The following BTAF1 variants were observed in gnomAD, a reference collection of about 807,000 sequenced individuals.
BTAF1 encodes TATA-binding protein-associated factor 172.
In BTAF1, 38 loss-of-function variants were observed where a neutral mutation model predicts 227.1. That is an observed-to-expected ratio of 0.17 (90% CI 0.13 to 0.22). The LOEUF is 0.22. Among genes scored for constraint, BTAF1 ranks in the 10% least tolerant of loss-of-function variants. BTAF1 has a pLI of 1.00. For missense variants in BTAF1, 1,598 were observed against 2,204.0 expected (o/e 0.73, Z 5.51); for synonymous variants, 742 against 751.9 (o/e 0.99, Z 0.21).
At chr10:91,959,738 G>GTATATATATATATATA (rs1421248732) in intron 9 of BTAF1, 47 bp from the exon 10 acceptor site, 1 of 359,086 alleles carries the variant, frequency 2.8e-6, no homozygotes, top group African/African-American at 3.8e-5. Context: ...GTGTGTGTGT[G>GTATATATATATATATA]TGTATATATA....
At chr10:91,969,042 T>G (rs1415093754) in intron 14 of BTAF1, among the ~76,000 whole-genome samples, 1 of 145,196 alleles carries the variant, frequency 6.9e-6, no homozygotes, top group Non-Finnish European at 1.5e-5. Context: ...AAAAAAAAAT[T>G]TTTTTTTTTT....
chr10:92,012,640 G>A (rs1022667735), intron 30 of BTAF1, among the ~76,000 whole-genome samples: 6 of 151,112 alleles, frequency 4.0e-5, no homozygotes, highest in Admixed American at 6.6e-5. Flanking sequence ...GCATGGTGAC[G>A]CACGCCTGTA....
intron 25 of BTAF1, among the ~76,000 whole-genome samples, chr10:92,006,657 T>C (rs766312702): frequency 6.6e-6 from 1 of 152,242 alleles, no homozygotes; most frequent in African/African-American, 2.4e-5. Context: ...AACTGTCAGC[T>C]TCTCTTGAAA....
intron 31 of BTAF1, 41 bp from the exon 32 acceptor site, chr10:92,013,858 C>G: frequency 6.2e-7 from 1 of 1,612,660 alleles, no homozygotes. Context: ...ATAATTTATT[C>G]TTAACTTTTT....
At position 91,981,744 on chromosome 10, in the gene BTAF1, T is replaced by G. The variant is rs1290747727; in HGVS notation, c.1857T>G (p.His619Gln). Residue 619 changes from histidine to glutamine, a missense_variant, in exon 16 of 38, where the codon CAT (histidine) becomes CAG (glutamine). By Grantham distance (24) the His-to-Gln change is conservative. Transcript: ENST00000265990. ...AWLCLMMQPS[H>Q]LPIDLNMLLE... Reference sequence around the variant, plus strand: ...TTTGCTTGATGATGCAGCCTTCTCATTTACCTATCGATTTAAATATGTTGC... The same window carrying G: ...TTTGCTTGATGATGCAGCCTTCTCAGTTACCTATCGATTTAAATATGTTGC... The G allele has an allele frequency of 1.2e-6, 2 of 1,613,794 alleles. No individual in the cohort carries two copies. The highest frequency in any genetic ancestry group is 1.7e-6 in the Non-Finnish European group (2 of 1,179,812).
chr10:91,989,400 C>G lies in BTAF1; in HGVS notation c.2674C>G (p.Leu892Val), dbSNP rs1848604398. 1 of 1,614,168 alleles carries G rather than the reference C, an allele frequency of 6.2e-7. No individual in the cohort carries two copies. The highest frequency in any genetic ancestry group is 8.5e-7 in the Non-Finnish European group (1 of 1,180,030). Residue 892 changes from leucine (L) to valine (V), a missense_variant, in exon 20 of 38, where the codon CTA becomes GTA. Leu to Val is a conservative substitution (Grantham distance 32, BLOSUM62 1). This residue lies in a region of BTAF1 where 425 missense variants were observed against 491.2 expected (regional missense o/e 0.87). Transcript: ENST00000265990. Reference sequence around the variant, plus strand: ...GACAATTAAAAAAGAAGAGAATACACTAGTGCAAAACTATGCAGCTCAGTG... The same window carrying G: ...GACAATTAAAAAAGAAGAGAATACAGTAGTGCAAAACTATGCAGCTCAGTG... ...METIKKEENT[L>V]VQNYAAQCIA...
chr10:91,960,589 T>TG (rs944480145), intron 11 of BTAF1, among the ~76,000 whole-genome samples: 4 of 146,098 alleles, frequency 2.7e-5, no homozygotes, highest in Non-Finnish European at 6.1e-5. Context: ...CTGTCAGTGT[T>TG]TTTTTTTTTT....
chr10:91,991,797 G>GTGTATATATATATATATATATA (rs1554860529), intron 20 of BTAF1, among the ~76,000 whole-genome samples: 1 of 10,002 alleles, frequency 1.0e-4, no homozygotes, highest in African/African-American at 1.8e-4. Flanking sequence ...GTGTGTGTGT[G>GTGTATATATATATATATATATA]TATATATATA....
Position 91,940,081 on chromosome 10 carries a change from A to G in BTAF1, c.253+15A>G. On this transcript the variant is annotated intron_variant, in intron 3 of 37. Coordinates refer to ENST00000265990, the MANE Select transcript of BTAF1 (RefSeq NM_003972.3). ...AACCAGACAAGGTGCTTTTAAGTGG[A>G]GAAAGTAGTTTTAAGTAAAAACCTA... is the stretch of plus-strand genomic sequence containing the variant. 1 of 1,557,804 alleles carries G rather than the reference A, an allele frequency of 6.4e-7. No individual in the cohort carries two copies. The highest frequency in any genetic ancestry group is 8.8e-7 in the Non-Finnish European group (1 of 1,132,214).
Position 91,964,146 on chromosome 10 carries a change from A to T in BTAF1, c.1474A>T (p.Ser492Cys). The change falls in exon 13 of 38, where the codon AGT becomes TGT. Residue 492 changes from serine (S) to cysteine (C), a missense_variant. Transcript: ENST00000265990. ...ELDDLTASTN[S>C]IMTLLSSLLT... The stretch of plus-strand genomic sequence containing the variant: ...AGATGATCTAACAGCTTCAACAAAT[A>T]GTATTATGACTCTCCTTTCATCCTT... The T allele has an allele frequency of 6.2e-7, 1 of 1,613,036 alleles. No homozygotes were observed. Among genetic ancestry groups the T allele is most frequent in the South Asian group, 1.1e-5 (1 of 91,060 alleles).
intron 19 of BTAF1, among the ~76,000 whole-genome samples, chr10:91,988,400 T>A (rs568922328): frequency 6.6e-6 from 1 of 152,232 alleles, no homozygotes; most frequent in Non-Finnish European, 1.5e-5. Flanking sequence ...TAACCCTGTT[T>A]CAAATAAATC....
intron 19 of BTAF1, among the ~76,000 whole-genome samples, chr10:91,984,651 A>G (rs559736634): frequency 6.6e-6 from 1 of 152,300 alleles, no homozygotes; most frequent in East Asian, 1.9e-4. Context: ...AGAAAAAGCT[A>G]TTATATTTTG....
At chr10:91,985,050 ATTTGGTGAAT>A (rs1848312750) in intron 19 of BTAF1, among the ~76,000 whole-genome samples, 1 of 152,110 alleles carries the variant, frequency 6.6e-6, no homozygotes, top group African/African-American at 2.4e-5. Context: ...TAGGTGGACC[ATTTGGTGAAT>A]TTTGACAGAT....
At chr10:91,988,063 C>T (rs1465371657) in intron 19 of BTAF1, among the ~76,000 whole-genome samples, 1 of 152,134 alleles carries the variant, frequency 6.6e-6, no homozygotes, top group Admixed American at 6.5e-5. Flanking sequence ...CTTTAAAAAC[C>T]AAGCATAAGT....
chr10:91,989,017 T>G (rs1564697800), intron 19 of BTAF1, 137 bp from the exon 20 acceptor site: 8 of 669,184 alleles, frequency 1.2e-5, no homozygotes, highest in African/African-American at 3.6e-5. Flanking sequence ...GACATTAGTT[T>G]ACTGAGTACT....
chr10:92,026,605 C>T lies in BTAF1; in HGVS notation c.5089C>T (p.Pro1697Ser). Residue 1697 changes from proline to serine, a missense_variant, in exon 36 of 38, where the codon CCA (proline) becomes TCA (serine). Pro to Ser is a moderately conservative substitution (Grantham distance 74). Coordinates refer to ENST00000265990, the MANE Select transcript of BTAF1 (RefSeq NM_003972.3). ...HSIVSRFNND[P>S]SIDVLLLTTH... The stretch of plus-strand genomic sequence containing the variant: ...ATCTACTTTTAGGTTTAATAATGAT[C>T]CATCTATAGACGTTCTGTTACTTAC... The T allele has an allele frequency of 6.2e-7, 1 of 1,611,116 alleles. No individual in the cohort carries two copies. Among genetic ancestry groups the T allele is most frequent in the Non-Finnish European group, 8.5e-7 (1 of 1,178,272 alleles).
chr10:91,998,796 A>AT (rs1849307281), intron 25 of BTAF1, among the ~76,000 whole-genome samples: 2 of 152,186 alleles, frequency 1.3e-5, no homozygotes, highest in Admixed American at 1.3e-4. Flanking sequence ...CATGCCTGTA[A>AT]TCCCAGCACT....
Position 92,018,906 on chromosome 10 carries a change from C to G in BTAF1, c.4834C>G (p.His1612Asp). ...GAATTCTTCTCTACATGATATTCAA[C>G]ATGCCCCTAAGCTCTCAGCTTTGAA... ...VQNSSLHDIQHAPKLSALKQL... is the reference protein window; with the variant it reads ...VQNSSLHDIQDAPKLSALKQL... Residue 1612 changes from histidine (H) to aspartate (D), a missense_variant, in exon 34 of 38, where the codon CAT becomes GAT. Physicochemically the swap from His to Asp is moderately conservative, Grantham distance 81 (BLOSUM62 -1). This residue lies in a region of BTAF1 where 205 missense variants were observed against 244.5 expected (regional missense o/e 0.84). Transcript: ENST00000265990. 6.2e-7 allele frequency: 1 copy of G among 1,603,690 alleles called. No homozygotes were observed. Among genetic ancestry groups the G allele is most frequent in the Non-Finnish European group, 8.5e-7 (1 of 1,176,344 alleles).
At chr10:92,005,680 T>C (rs976262997) in intron 25 of BTAF1, among the ~76,000 whole-genome samples, 1 of 152,188 alleles carries the variant, frequency 6.6e-6, no homozygotes, top group African/African-American at 2.4e-5. Context: ...TGTTGTTTAT[T>C]ATATTTTCTG....
Sources: allele counts gnomAD v4.1 joint callset (sites outside exome capture counted in the v4.1 genomes callset), GRCh38; gene constraint gnomAD v4.1.1; regional missense constraint gnomAD v4.1.1; transcripts MANE v1.5; gene names NCBI Gene and HGNC (gene_info 2026-07-23, HGNC 2026-07-21).